B3GALT1: variants seen among roughly 807,000 people sequenced by gnomAD.
The protein encoded by B3GALT1 is UDP-Gal:betaGlcNAc beta 1,3-galactosyltransferase, polypeptide 1.
In B3GALT1, 10 loss-of-function variants were observed where a neutral mutation model predicts 23.2. The ratio of observed to expected loss-of-function variants is 0.43; its 90% CI spans 0.27 to 0.73. The LOEUF (loss-of-function observed/expected upper bound fraction) is 0.73. Among genes scored for constraint, B3GALT1 ranks in the 30% least tolerant of loss-of-function variants. The pLI, the probability that B3GALT1 is intolerant of heterozygous loss-of-function variation, is 0.21. For synonymous variants in B3GALT1, 156 were observed against 141.5 expected (o/e 1.10, Z -0.73); for missense variants, 299 against 405.4 (o/e 0.74, Z 2.25).
chr2:167,354,700 A>G (rs375327455), intron 1 of B3GALT1, among the ~76,000 whole-genome samples: 2 of 152,234 alleles, frequency 1.3e-5, no homozygotes, highest in East Asian at 3.9e-4. Flanking sequence ...CTTAGGCAGC[A>G]ACCCTTATAA....
At chr2:167,599,228 A>G (rs917653572) in intron 2 of B3GALT1, among the ~76,000 whole-genome samples, 1 of 152,134 alleles carries the variant, frequency 6.6e-6, no homozygotes, top group Non-Finnish European at 1.5e-5. Context: ...GATTACTAAA[A>G]CCAATAATAT....
chr2:167,636,665 A>G (rs751589806), intron 2 of B3GALT1, among the ~76,000 whole-genome samples: 1 of 152,162 alleles, frequency 6.6e-6, no homozygotes, highest in South Asian at 2.1e-4. Context: ...ATAAAAAAGG[A>G]TACGTTCATG....
chr2:167,639,043 C>G (rs1163998165), intron 2 of B3GALT1, among the ~76,000 whole-genome samples: 1 of 151,992 alleles, frequency 6.6e-6, no homozygotes, highest in African/African-American at 2.4e-5. Context: ...CAAGTTTGAA[C>G]TTCTAATTAA....
In B3GALT1 at chr2:167,325,317, A is replaced by G. The variant is rs184182545; in HGVS notation, c.-511+31983A>G. On this transcript the variant is annotated intron_variant, in intron 1 of 4. Transcript: ENST00000392690. ...TAAGGAAAAGAGGTTTGATTGGCTC[A>G]CAGGTCTGTAGGCTGGTCAGGAAGC... is the stretch of plus-strand genomic sequence containing the variant. Among the ~76,000 whole-genome samples the G allele has an allele frequency of 3.7e-3, 562 of 152,168 alleles. 6 individuals carry two copies. The highest frequency in any genetic ancestry group is 0.013 in the African/African-American group (538 of 41,554).
At chr2:167,868,064 A>AC (rs1375583116) in intron 4 of B3GALT1, among the ~76,000 whole-genome samples, 1 of 152,264 alleles carries the variant, frequency 6.6e-6, no homozygotes, top group African/African-American at 2.4e-5. Context: ...TGAATGGTTG[A>AC]AAACCATAAA....
At chr2:167,373,311 G>C (rs952063542) in intron 1 of B3GALT1, among the ~76,000 whole-genome samples, 1 of 151,650 alleles carries the variant, frequency 6.6e-6, no homozygotes, top group Non-Finnish European at 1.5e-5. Flanking sequence ...TTTTTGGATA[G>C]ACAGGACACA....
intron 1 of B3GALT1, among the ~76,000 whole-genome samples, chr2:167,473,445 T>C (rs1421660467): frequency 6.6e-6 from 1 of 152,088 alleles, no homozygotes; most frequent in African/African-American, 2.4e-5. Flanking sequence ...TACAATAAAG[T>C]AAACATGTTA....
At chr2:167,637,175 C>T (rs931459086) in intron 2 of B3GALT1, among the ~76,000 whole-genome samples, 3 of 151,936 alleles carry the variant, frequency 2.0e-5, no homozygotes, top group Admixed American at 6.6e-5. Context: ...AGATGGATTT[C>T]TGTTGCTTTC....
At chr2:167,406,755 A>G (rs999942806) in intron 1 of B3GALT1, among the ~76,000 whole-genome samples, 3 of 152,328 alleles carry the variant, frequency 2.0e-5, no homozygotes, top group East Asian at 1.9e-4. Context: ...GGAGACACCA[A>G]ATCAGACTCA....
At chr2:167,544,998 G>A (rs1402874667) in intron 2 of B3GALT1, among the ~76,000 whole-genome samples, 2 of 149,180 alleles carry the variant, frequency 1.3e-5, no homozygotes, top group East Asian at 4.0e-4. Context: ...AAGGGGACCC[G>A]GAAGGCCGCT....
chr2:167,693,585 G>A (rs1268622973), intron 3 of B3GALT1, among the ~76,000 whole-genome samples: 2 of 151,920 alleles, frequency 1.3e-5, no homozygotes, highest in African/African-American at 4.8e-5. Context: ...CTCATAAATA[G>A]GAAAAAAGAA....
intron 3 of B3GALT1, among the ~76,000 whole-genome samples, chr2:167,718,715 A>G (rs550102691): frequency 2.4e-4 from 37 of 152,118 alleles, no homozygotes; most frequent in African/African-American, 8.2e-4. Context: ...GGAGGACAAA[A>G]GGGCATGATC....
intron 2 of B3GALT1, among the ~76,000 whole-genome samples, chr2:167,555,402 C>G (rs1231230786): frequency 2.6e-5 from 4 of 152,190 alleles, no homozygotes; most frequent in Non-Finnish European, 1.5e-5. Context: ...AGTCCCTGTT[C>G]TTTCCACTAT....
chr2:167,575,902 C>T (rs1684373506), intron 2 of B3GALT1, among the ~76,000 whole-genome samples: 1 of 151,710 alleles, frequency 6.6e-6, no homozygotes, highest in Non-Finnish European at 1.5e-5. Context: ...TTCCAGGGTA[C>T]ACATGAAATA....
intron 1 of B3GALT1, among the ~76,000 whole-genome samples, chr2:167,380,910 C>T (rs1452190679): frequency 6.6e-6 from 1 of 152,146 alleles, no homozygotes; most frequent in Non-Finnish European, 1.5e-5. Context: ...GTGTCTTTGA[C>T]AATTCTGGTG....
chr2:167,586,216 C>G (rs1180488788), intron 2 of B3GALT1, among the ~76,000 whole-genome samples: 1 of 152,174 alleles, frequency 6.6e-6, no homozygotes, highest in Non-Finnish European at 1.5e-5. Flanking sequence ...TTCTTCAATC[C>G]TTCCTTAAAT....
intron 2 of B3GALT1, among the ~76,000 whole-genome samples, chr2:167,627,205 A>G (rs775696911): frequency 5.3e-5 from 8 of 151,648 alleles, no homozygotes; most frequent in South Asian, 2.1e-4. Flanking sequence ...TTTTTAAAAT[A>G]TATTGTCCTG....
chr2:167,457,027 C>T (rs1466777253), intron 1 of B3GALT1, among the ~76,000 whole-genome samples: 1 of 152,134 alleles, frequency 6.6e-6, no homozygotes, highest in Admixed American at 6.5e-5. Flanking sequence ...CTTAGGAGCT[C>T]ACAGCCACTA....
At chr2:167,390,223 G>T (rs562421596) in intron 1 of B3GALT1, among the ~76,000 whole-genome samples, 4 of 152,302 alleles carry the variant, frequency 2.6e-5, no homozygotes, top group Non-Finnish European at 5.9e-5. Flanking sequence ...TCAAGTTTGT[G>T]GGGGCTACAG....
Sources: gnomAD v4.1 joint callset for allele counts (sites outside exome capture counted in the v4.1 genomes callset) on GRCh38, gnomAD v4.1.1 for gene constraint, MANE v1.5 for transcripts, NCBI Gene and HGNC (gene_info 2026-07-23, HGNC 2026-07-21) for gene names.